The following SUMF1 variants were observed in gnomAD, a reference collection of about 807,000 sequenced individuals.
SUMF1 encodes sulfatase modifying factor 1.
SUMF1 carries 48 observed loss-of-function variants against 47.6 expected under a neutral mutation model. The observed-to-expected ratio is 1.01, with a 90% CI of 0.80 to 1.28. The LOEUF is 1.28. Among genes scored for constraint, SUMF1 ranks in the 50% most tolerant of loss-of-function variants. The pLI, the probability that SUMF1 is intolerant of heterozygous loss-of-function variation, is 0.00. For synonymous variants in SUMF1, 230 were observed against 192.1 expected, an observed-to-expected ratio of 1.20 and a Z score of -1.63; for missense variants, 571 against 485.4, an observed-to-expected ratio of 1.18 and a Z score of -1.66.
intron 7 of SUMF1, among the ~76,000 whole-genome samples, chr3:4,403,604 AG>A (rs1204835546): frequency 6.6e-6 from 1 of 152,174 alleles, no homozygotes; most frequent in African/African-American, 2.4e-5. Flanking sequence ...TGTCTGTACA[AG>A]GCAGAAGGAA....
At chr3:4,428,797 T>C (rs192507949) in intron 3 of SUMF1, among the ~76,000 whole-genome samples, 6 of 152,380 alleles carry the variant, frequency 3.9e-5, no homozygotes, top group Admixed American at 2.6e-4. Flanking sequence ...TTAATGTTCA[T>C]TAAAAATTAC....
intron 8 of SUMF1, among the ~76,000 whole-genome samples, chr3:4,071,350 C>G (rs1695520657): frequency 6.6e-6 from 1 of 152,166 alleles, no homozygotes; most frequent in Middle Eastern, 3.2e-3. Context: ...GGGGCATCGC[C>G]TCACCTGAAA....
intron 8 of SUMF1, among the ~76,000 whole-genome samples, chr3:4,279,127 T>C (rs899995254): frequency 7.9e-5 from 12 of 152,186 alleles, no homozygotes; most frequent in African/African-American, 2.4e-4. Context: ...ATTGCTCTAA[T>C]GCAACCCTGC....
At chr3:4,201,959 T>C (rs1358217341) in intron 8 of SUMF1, among the ~76,000 whole-genome samples, 1 of 152,102 alleles carries the variant, frequency 6.6e-6, no homozygotes, top group Non-Finnish European at 1.5e-5. Flanking sequence ...TTATTGGATT[T>C]TTTTCCTATT....
intron 8 of SUMF1, among the ~76,000 whole-genome samples, chr3:4,297,009 C>T (rs1293282571): frequency 2.0e-5 from 3 of 152,128 alleles, no homozygotes; most frequent in Non-Finnish European, 4.4e-5. Context: ...ACGGACTTTC[C>T]CCTGCTTCTC....
chr3:4,208,747 G>C (rs1359203802), intron 8 of SUMF1, among the ~76,000 whole-genome samples: 2 of 152,062 alleles, frequency 1.3e-5, no homozygotes, highest in Non-Finnish European at 2.9e-5. Context: ...CCAAGCTTGA[G>C]TATGTGACAA....
chr3:4,347,155 A>G (rs1699390996), intron 8 of SUMF1, among the ~76,000 whole-genome samples: 1 of 152,246 alleles, frequency 6.6e-6, no homozygotes, highest in Non-Finnish European at 1.5e-5. Flanking sequence ...ACAATTGAAA[A>G]GAAGGAACTC....
chr3:4,371,614 G>A (rs936740221), intron 8 of SUMF1, among the ~76,000 whole-genome samples: 1 of 152,156 alleles, frequency 6.6e-6, no homozygotes, highest in Admixed American at 6.5e-5. Flanking sequence ...AGGATGGTGA[G>A]GATTTCCTTA....
At chr3:4,169,445 T>A (rs1051716623) in intron 8 of SUMF1, among the ~76,000 whole-genome samples, 14 of 152,110 alleles carry the variant, frequency 9.2e-5, no homozygotes, top group African/African-American at 3.4e-4. Flanking sequence ...GCCATGTGAC[T>A]GGAACGAGGC....
intron 8 of SUMF1, among the ~76,000 whole-genome samples, chr3:4,181,004 G>A (rs1205543532): frequency 6.6e-6 from 1 of 152,086 alleles, no homozygotes; most frequent in Admixed American, 6.6e-5. Flanking sequence ...TTAACTCTGG[G>A]GGTTAGTGAA....
intron 8 of SUMF1, among the ~76,000 whole-genome samples, chr3:4,101,590 C>T (rs941547139): frequency 1.3e-4 from 20 of 151,972 alleles, no homozygotes; most frequent in Non-Finnish European, 1.5e-4. Flanking sequence ...CACAGCAAGT[C>T]GACTACAGTT....
rs950049150 is a variant in SUMF1 at position 4,455,088 on chromosome 3, T to C, written c.271-2039A>G. Among the ~76,000 whole-genome samples, 3 of 152,204 alleles carry C rather than the reference T, an allele frequency of 2.0e-5. No individual in the cohort carries two copies. The South Asian group carries it at 6.2e-4, about 31-fold the overall frequency. On this transcript the variant is annotated intron_variant, in intron 1 of 8. Transcript: ENST00000272902. ...CATTCTATATGAATTCTATCTCAAC[T>C]TTTTTCAAAAACCACAGGCCTTCAA...
intron 1 of SUMF1, among the ~76,000 whole-genome samples, chr3:4,456,971 CGT>C (rs371389285): frequency 1.7e-4 from 6 of 34,514 alleles, no homozygotes; most frequent in Admixed American, 5.5e-4. Flanking sequence ...TATATATATA[CGT>C]GTGTGTATAT....
At chr3:4,206,933 C>T (rs987152357) in intron 8 of SUMF1, among the ~76,000 whole-genome samples, 17 of 152,100 alleles carry the variant, frequency 1.1e-4, no homozygotes, top group African/African-American at 3.9e-4. Flanking sequence ...ATCTATAAAT[C>T]AATTTGAAGA....
chr3:4,460,606 G>GTT (rs934809520), intron 1 of SUMF1, among the ~76,000 whole-genome samples: 1 of 148,828 alleles, frequency 6.7e-6, no homozygotes, highest in African/African-American at 2.5e-5. Context: ...CACAGTGTGT[G>GTT]TGTGTGTGTG....
intron 8 of SUMF1, among the ~76,000 whole-genome samples, chr3:4,338,230 A>T (rs766501075): frequency 2.0e-5 from 3 of 152,064 alleles, no homozygotes; most frequent in Non-Finnish European, 4.4e-5. Flanking sequence ...AGCTACAATC[A>T]CACCATGCAC....
chr3:4,339,010 T>C (rs1043664770), intron 8 of SUMF1, among the ~76,000 whole-genome samples: 3 of 152,160 alleles, frequency 2.0e-5, no homozygotes, highest in Non-Finnish European at 4.4e-5. Context: ...GTGATGAGCC[T>C]GACGTTAACT....
intron 7 of SUMF1, among the ~76,000 whole-genome samples, chr3:4,386,966 T>C (rs1700695357): frequency 6.6e-6 from 1 of 151,990 alleles, no homozygotes; most frequent in Non-Finnish European, 1.5e-5. Flanking sequence ...AATTATCATG[T>C]TTTAAAAAAT....
In SUMF1 at chr3:4,200,173, G is replaced by T. The variant is rs901801473; in HGVS notation, c.1015-131428C>A. ...GCATATGGTGTGAGGTAAGCATCAA[G>T]ATTTTTTTTTTTTTTTTTTTGCGTA... On this transcript the variant is annotated intron_variant and NMD_transcript_variant, in intron 8 of 12. Coordinates refer to the SUMF1 transcript ENST00000448413. 2.3e-5 allele frequency among the ~76,000 whole-genome samples: 3 copies of T among 133,128 alleles called. No homozygotes were observed. The East Asian group carries it at 7.7e-4, about 34-fold the overall frequency. 87.3% of individuals were successfully genotyped at this position (133,128 alleles called of 152,430 possible).
Sources: gnomAD v4.1 joint callset for allele counts (sites outside exome capture counted in the v4.1 genomes callset) on GRCh38, gnomAD v4.1.1 for gene constraint, MANE v1.5 for transcripts, NCBI Gene and HGNC (gene_info 2026-07-23, HGNC 2026-07-21) for gene names.